Variants in ERICH1 observed in about 807,000 individuals in gnomAD.
ERICH1 encodes glutamate-rich protein 1.
ERICH1 carries 56 observed loss-of-function variants against 39.6 expected under a neutral mutation model. The observed-to-expected ratio is 1.41, with a 90% CI of 1.14 to 1.77. The LOEUF (loss-of-function observed/expected upper bound fraction) is 1.77. Among genes scored for constraint, ERICH1 ranks in the 40% most tolerant of loss-of-function variants. The pLI is 0.00. For missense variants in ERICH1, 826 were observed against 575.4 expected, an observed-to-expected ratio of 1.44 and a Z score of -4.45; for synonymous variants, 313 against 223.6, an observed-to-expected ratio of 1.40 and a Z score of -3.57.
intron 3 of ERICH1, chr8:690,856 G>A (rs1808742967): frequency 6.6e-6 from 1 of 152,308 alleles, no homozygotes; most frequent in Admixed American, 6.5e-5. Context: ...GAGAGACCAC[G>A]ACAACAACGT....
chr8:687,848 G>A (rs1403414032), intron 3 of ERICH1, among the ~76,000 whole-genome samples: 1 of 152,194 alleles, frequency 6.6e-6, no homozygotes, highest in Non-Finnish European at 1.5e-5. Flanking sequence ...GGATGCAGCG[G>A]TCCCGCCCCG....
chr8:721,797 G>A (rs1480323150), intron 1 of ERICH1, among the ~76,000 whole-genome samples: 1 of 152,188 alleles, frequency 6.6e-6, no homozygotes, highest in African/African-American at 2.4e-5. Flanking sequence ...AGGACACAGT[G>A]AAGCATTTGT....
exon 4 of ERICH1, chr8:614,931 A>C: frequency 1.0e-5 from 3 of 289,712 alleles, no homozygotes; most frequent in South Asian, 1.5e-4. Flanking sequence ...CTGTCTGGGA[A>C]ATGCACTTAT....
chr8:658,810 T>A (rs1801008312), intron 3 of ERICH1, among the ~76,000 whole-genome samples: 1 of 152,206 alleles, frequency 6.6e-6, no homozygotes, highest in Non-Finnish European at 1.5e-5. Context: ...GACATGAGGA[T>A]GCCAGGCTGT....
intron 3 of ERICH1, among the ~76,000 whole-genome samples, chr8:651,763 G>A (rs1307962814): frequency 6.6e-6 from 1 of 151,320 alleles, no homozygotes; most frequent in Non-Finnish European, 1.5e-5. Flanking sequence ...GAGACGGAGC[G>A]GGAGGGGAGG....
intron 3 of ERICH1, among the ~76,000 whole-genome samples, chr8:630,047 A>T (rs1200273978): frequency 2.5e-5 from 2 of 79,426 alleles, no homozygotes; most frequent in African/African-American, 8.4e-5. Context: ...GACCACCCAC[A>T]CAGACAGAGC....
Position 644,741 on chromosome 8 carries a change from C to T in ERICH1, c.976+23857G>A, listed in dbSNP as rs1410133695. Among the ~76,000 whole-genome samples the T allele has an allele frequency of 3.0e-5, 2 of 67,768 alleles. 1 individual carries two copies. Among genetic ancestry groups the T allele is most frequent in the African/African-American group, 7.5e-5 (2 of 26,822 alleles). The allele number at this position is 67,768 out of a possible 152,430, so 44.5% of individuals were successfully genotyped here. Reference sequence around the variant, plus strand: ...CCAGCCTGACCCGTTCTATGACAGACGTGTCACCAACCTATCCAACCACTT... The same window carrying T: ...CCAGCCTGACCCGTTCTATGACAGATGTGTCACCAACCTATCCAACCACTT... On this transcript the variant is annotated intron_variant, in intron 3 of 3. Transcript: ENST00000522706.
chr8:630,261 G>A (rs1345313170), intron 3 of ERICH1, among the ~76,000 whole-genome samples: 3 of 119,238 alleles, frequency 2.5e-5, no homozygotes, highest in South Asian at 2.8e-4. Context: ...ACACCCTCCC[G>A]TGACCACCCA....
chr8:707,610 T>C (rs978309960), intron 2 of ERICH1, among the ~76,000 whole-genome samples: 3 of 152,168 alleles, frequency 2.0e-5, no homozygotes, highest in Non-Finnish European at 4.4e-5. Context: ...GGAATGAAGT[T>C]GGAACTCTAC....
chr8:692,953 C>G (rs930368317), intron 2 of ERICH1, among the ~76,000 whole-genome samples: 1 of 152,150 alleles, frequency 6.6e-6, no homozygotes, highest in African/African-American at 2.4e-5. Context: ...ACAGTTTGCA[C>G]GACACACCCT....
chr8:668,423 T>C (rs1802614798), intron 5 of ERICH1, 175 bp downstream of exon 5: 2 of 636,888 alleles, frequency 3.1e-6, no homozygotes, highest in Non-Finnish European at 2.7e-6. Flanking sequence ...AATATTTTTA[T>C]ATCAAGCAGA....
At chr8:697,323 C>A (rs772972529) in intron 2 of ERICH1, among the ~76,000 whole-genome samples, 1 of 152,170 alleles carries the variant, frequency 6.6e-6, no homozygotes, top group African/African-American at 2.4e-5. Context: ...CTTGTCTCTT[C>A]TCTGAACAGC....
At chr8:686,325 C>T (rs186177768) in intron 3 of ERICH1, among the ~76,000 whole-genome samples, 2 of 152,196 alleles carry the variant, frequency 1.3e-5, no homozygotes, top group African/African-American at 2.4e-5. Flanking sequence ...AGACATTTCT[C>T]TAATCCAAAT....
chr8:684,305 TAAAAC>T (rs1806809887), intron 3 of ERICH1, among the ~76,000 whole-genome samples: 1 of 151,964 alleles, frequency 6.6e-6, no homozygotes, highest in African/African-American at 2.4e-5. Context: ...AGAAAGTAAT[TAAAAC>T]AGTACAAATG....
intron 3 of ERICH1, among the ~76,000 whole-genome samples, chr8:676,998 C>T (rs991928138): frequency 1.3e-5 from 2 of 152,240 alleles, no homozygotes; most frequent in Non-Finnish European, 1.5e-5. Context: ...ATGAGTTCCT[C>T]TTCCACAATG....
Position 699,887 on chromosome 8 carries a change from G to T in ERICH1, c.170-7275C>A, listed in dbSNP as rs1402303980. On this transcript the variant is annotated intron_variant, in intron 2 of 5. Coordinates refer to ENST00000262109, the MANE Select transcript of ERICH1 (RefSeq NM_207332.3). ...CAGACCCTCACAGGCGCACAGATCC[G>T]CACACGCGCACAGACCCGCACAGGC... is the stretch of plus-strand genomic sequence containing the variant. Among the ~76,000 whole-genome samples, 139 of 49,384 alleles carry T rather than the reference G, an allele frequency of 2.8e-3. 4 individuals are homozygous for T. The highest frequency in any genetic ancestry group is 4.4e-3 in the African/African-American group (58 of 13,040). 32.4% of individuals were successfully genotyped at this position (49,384 alleles called of 152,430 possible).
chr8:664,191 T>C, downstream of ERICH1: 3 of 968,364 alleles, frequency 3.1e-6, no homozygotes, highest in Non-Finnish European at 3.7e-6. Context: ...AACTCAACTA[T>C]ATTCAAACTA....
At chr8:703,518 G>T (rs556626642) in intron 2 of ERICH1, among the ~76,000 whole-genome samples, 6 of 152,142 alleles carry the variant, frequency 3.9e-5, no homozygotes, top group Non-Finnish European at 8.8e-5. Flanking sequence ...GTGGGAGACC[G>T]GGACTCACTC....
intron 3 of ERICH1, among the ~76,000 whole-genome samples, chr8:687,130 G>T (rs1363432416): frequency 1.3e-5 from 2 of 152,216 alleles, no homozygotes; most frequent in Non-Finnish European, 2.9e-5. Flanking sequence ...GCTTCCAGAA[G>T]CCGTGAAGTT....
Sources: gnomAD v4.1 joint callset for allele counts (sites outside exome capture counted in the v4.1 genomes callset) on GRCh38, gnomAD v4.1.1 for gene constraint, MANE v1.5 for transcripts, NCBI Gene and HGNC (gene_info 2026-07-23, HGNC 2026-07-21) for gene names.